Variants in ADK observed in about 807,000 individuals in gnomAD.
The protein encoded by ADK is adenosine kinase.
ADK carries 24 observed loss-of-function variants against 44.7 expected under a neutral mutation model. That is an observed-to-expected ratio of 0.54 (90% confidence interval 0.39 to 0.76). The LOEUF (loss-of-function observed/expected upper bound fraction) is 0.76, where lower values mean the gene tolerates loss of function less well. Ranked by LOEUF, ADK falls within the 30% of genes least tolerant of loss-of-function variation. ADK has a pLI of 0.00. For synonymous variants in ADK, 128 were observed against 142.6 expected (o/e 0.90, Z 0.73); for missense variants, 321 against 425.1 (o/e 0.76, Z 2.15).
intron 8 of ADK, among the ~76,000 whole-genome samples, chr10:74,597,957 C>T (rs191126972): frequency 6.5e-4 from 99 of 152,202 alleles, no homozygotes; most frequent in Admixed American, 2.4e-3. Flanking sequence ...TAATGAATAT[C>T]TTAGGGGGAC....
At chr10:74,496,999 G>A (rs1185919342) in intron 6 of ADK, among the ~76,000 whole-genome samples, 1 of 151,226 alleles carries the variant, frequency 6.6e-6, no homozygotes, top group Non-Finnish European at 1.5e-5. Flanking sequence ...TTTTTTAAGA[G>A]ACAGAGTCTT....
intron 3 of ADK, among the ~76,000 whole-genome samples, chr10:74,275,524 A>T (rs184680738): frequency 6.6e-6 from 1 of 152,280 alleles, no homozygotes; most frequent in East Asian, 1.9e-4. Flanking sequence ...CTAAATTCCT[A>T]TGGCTACAAG....
intron 7 of ADK, among the ~76,000 whole-genome samples, chr10:74,533,740 T>C (rs1849366700): frequency 6.6e-6 from 1 of 152,118 alleles, no homozygotes; most frequent in South Asian, 2.1e-4. Context: ...AAGTTAAATA[T>C]ACATCCTCCA....
At chr10:74,257,637 T>G (rs1845876626) in intron 3 of ADK, among the ~76,000 whole-genome samples, 1 of 152,168 alleles carries the variant, frequency 6.6e-6, no homozygotes. Flanking sequence ...GTTTATTGAT[T>G]ATCATAACTA....
intron 2 of ADK, among the ~76,000 whole-genome samples, chr10:74,223,369 C>T (rs979420542): frequency 1.3e-5 from 2 of 152,128 alleles, no homozygotes; most frequent in African/African-American, 4.8e-5. Context: ...TTCTTAAAGG[C>T]CCCAGCTCTC....
chr10:74,566,464 C>T (rs1564795337), intron 7 of ADK, among the ~76,000 whole-genome samples: 1 of 152,026 alleles, frequency 6.6e-6, no homozygotes, highest in Non-Finnish European at 1.5e-5. Flanking sequence ...AGTCTCCCAA[C>T]GTGCTGGGAT....
At chr10:74,377,831 G>A (rs1021806234) in intron 4 of ADK, among the ~76,000 whole-genome samples, 2 of 152,110 alleles carry the variant, frequency 1.3e-5, no homozygotes, top group Non-Finnish European at 2.9e-5. Flanking sequence ...CATCAAGGCC[G>A]GGAAACTTCG....
At position 74,352,264 on chromosome 10, in the gene ADK, A is replaced by G. The variant is rs192168067; in HGVS notation, c.273+37519A>G. On this transcript the variant is annotated intron_variant, in intron 4 of 10. Transcript: ENST00000539909. The stretch of plus-strand genomic sequence containing the variant: ...GAAACAGAACAGAGGCCTCAGAAAT[A>G]ATACCACACATCTACAACCATCTGA... Among the ~76,000 whole-genome samples the G allele has an allele frequency of 2.3e-3, 356 of 152,294 alleles. 2 individuals are homozygous for G. The highest frequency in any genetic ancestry group is 3.1e-3 in the Non-Finnish European group (212 of 68,022).
intron 1 of ADK, among the ~76,000 whole-genome samples, chr10:74,157,263 A>G (rs961912086): frequency 2.6e-5 from 4 of 152,190 alleles, no homozygotes. Flanking sequence ...GCCTATAAAC[A>G]CACGAGGAAG....
At chr10:74,194,110 C>G (rs1274831548) in intron 1 of ADK, among the ~76,000 whole-genome samples, 3 of 152,006 alleles carry the variant, frequency 2.0e-5, no homozygotes, top group Non-Finnish European at 2.9e-5. Context: ...GCTTGTATAT[C>G]TTATGTGGAA....
At chr10:74,215,984 T>C (rs913971148) in intron 2 of ADK, among the ~76,000 whole-genome samples, 2 of 152,196 alleles carry the variant, frequency 1.3e-5, no homozygotes, top group African/African-American at 4.8e-5. Context: ...GGACTCTAAA[T>C]ACCACTGTGA....
chr10:74,460,498 G>A (rs962900986), intron 6 of ADK, among the ~76,000 whole-genome samples: 3 of 152,100 alleles, frequency 2.0e-5, no homozygotes, highest in African/African-American at 7.2e-5. Flanking sequence ...CATTTTTCAG[G>A]TGTATATTAA....
At chr10:74,437,142 T>C (rs992622241) in intron 6 of ADK, among the ~76,000 whole-genome samples, 1 of 151,944 alleles carries the variant, frequency 6.6e-6, no homozygotes, top group South Asian at 2.1e-4. Flanking sequence ...ATAGAAGCAA[T>C]ATTATAAGTG....
intron 4 of ADK, among the ~76,000 whole-genome samples, chr10:74,346,208 A>G (rs1202893584): frequency 6.6e-6 from 1 of 152,116 alleles, no homozygotes; most frequent in African/African-American, 2.4e-5. Context: ...TCTGTTTTTT[A>G]ATGAATCCAA....
intron 6 of ADK, among the ~76,000 whole-genome samples, chr10:74,481,322 A>G (rs1044018729): frequency 6.6e-6 from 1 of 152,114 alleles, no homozygotes; most frequent in Non-Finnish European, 1.5e-5. Context: ...TGCCATTTAT[A>G]TTATCTTAGA....
chr10:74,411,234 C>T (rs1157461222), intron 6 of ADK, among the ~76,000 whole-genome samples: 1 of 152,046 alleles, frequency 6.6e-6, no homozygotes, highest in East Asian at 1.9e-4. Context: ...AAAAAAAAAT[C>T]TGTAGAGTTG....
At chr10:74,430,538 T>C (rs1001668158) in intron 6 of ADK, among the ~76,000 whole-genome samples, 1 of 152,138 alleles carries the variant, frequency 6.6e-6, no homozygotes, top group Non-Finnish European at 1.5e-5. Context: ...GAGAATTGCT[T>C]GAGGCCAGAA....
intron 1 of ADK, among the ~76,000 whole-genome samples, chr10:74,175,445 C>T (rs1464163194): frequency 6.6e-6 from 1 of 151,184 alleles, no homozygotes; most frequent in Non-Finnish European, 1.5e-5. Context: ...AAATATATTG[C>T]TTCAGTTATA....
chr10:74,595,944 C>A (rs1290613219), intron 8 of ADK, among the ~76,000 whole-genome samples: 1 of 145,852 alleles, frequency 6.9e-6, no homozygotes, highest in African/African-American at 2.6e-5. Context: ...TTGCAGTGAG[C>A]CAAGATCGCA....
Sources: gnomAD v4.1 joint callset for allele counts (sites outside exome capture counted in the v4.1 genomes callset) on GRCh38, gnomAD v4.1.1 for gene constraint, MANE v1.5 for transcripts, NCBI Gene and HGNC (gene_info 2026-07-23, HGNC 2026-07-21) for gene names.